The following DLL3 variants were observed in gnomAD, a reference collection of about 807,000 sequenced individuals.
The protein encoded by DLL3 is delta like canonical Notch ligand 3, also known as delta-like protein 3.
DLL3 carries 49 observed loss-of-function variants against 55.0 expected under a neutral mutation model. That is an observed-to-expected ratio of 0.89 (90% CI 0.71 to 1.13). DLL3 has a LOEUF of 1.13. Ranked by LOEUF, DLL3 falls within the 50% of genes most tolerant of loss-of-function variation. The pLI is 0.00. For synonymous variants in DLL3, 421 were observed against 385.2 expected (o/e 1.09, Z -1.09); for missense variants, 962 against 875.5 (o/e 1.10, Z -1.25).
intron 6 of DLL3, among the ~76,000 whole-genome samples, chr19:39,506,668 C>A (rs1246431356): frequency 6.6e-6 from 1 of 151,010 alleles, no homozygotes. Flanking sequence ...GAGGGGTGGG[C>A]TAGGGAAGAG....
At position 39,508,274 on chromosome 19, in the gene DLL3, G is replaced by A. The variant is rs757153999; in HGVS notation, c.*17G>A. On this transcript the variant is annotated 3_prime_UTR_variant, in exon 9 of 9. Transcript: ENST00000356433. ...TAGGCCTGACGCGTCTCCTCCATCCGCACCTGGAGTCAGAGCGTGGATTTT... is the reference window on the plus strand; with the variant it reads ...TAGGCCTGACGCGTCTCCTCCATCCACACCTGGAGTCAGAGCGTGGATTTT... 1.2e-6 allele frequency: 2 copies of A among 1,613,820 alleles called. No homozygotes were observed. Among genetic ancestry groups the A allele is most frequent in the East Asian group, 4.5e-5 (2 of 44,880 alleles).
intron 5 of DLL3, 64 bp from the exon 6 acceptor site, chr19:39,505,165 G>T: frequency 6.4e-7 from 1 of 1,550,520 alleles, no homozygotes; most frequent in South Asian, 1.1e-5. Flanking sequence ...GGTTAGGACT[G>T]AGGAGGGGGA....
intron 6 of DLL3, 51 bp downstream of exon 6, chr19:39,505,502 G>A (rs763505157): frequency 6.2e-6 from 10 of 1,600,904 alleles, no homozygotes; most frequent in African/African-American, 1.3e-5. Flanking sequence ...GTCCTGGATG[G>A]CTCAGACAGT....
intron 6 of DLL3, chr19:39,505,721 A>G (rs1020953038): frequency 2.1e-6 from 1 of 469,812 alleles, no homozygotes; most frequent in Non-Finnish European, 3.9e-6. Flanking sequence ...CCTGCCTGAT[A>G]GAGCTGAGGT....
At chr19:39,503,206 T>C in intron 4 of DLL3, 149 bp downstream of exon 4, 1 of 860,112 alleles carries the variant, frequency 1.2e-6, no homozygotes, top group Non-Finnish European at 1.6e-6. Flanking sequence ...GGCACCCCTC[T>C]TCAGGGAGCT....
chr19:39,501,383 T>G (rs2079609048), intron 3 of DLL3, among the ~76,000 whole-genome samples: 1 of 152,166 alleles, frequency 6.6e-6, no homozygotes, highest in African/African-American at 2.4e-5. Context: ...AGGCGAATAT[T>G]GAGCAGAGGT....
In DLL3 at chr19:39,507,161, T is replaced by C; in HGVS notation, c.1216T>C (p.Cys406Arg). The change falls in exon 7 of 9, where the codon TGT becomes CGT. Residue 406 changes from cysteine (C) to arginine (R), a missense_variant. Transcript: ENST00000356433. The stretch of plus-strand genomic sequence containing the variant: ...CCGCGCCTGCGCTAACGGCGGCACG[T>C]GTGTGGAGGGCGGCGGCGCGCACCG... ...AGRACANGGTCVEGGGAHRCS... is the reference protein window; with the variant it reads ...AGRACANGGTRVEGGGAHRCS... 7.0e-7 allele frequency: 1 copy of C among 1,434,572 alleles called. No individual in the cohort carries two copies. The highest frequency in any genetic ancestry group is 9.1e-7 in the Non-Finnish European group (1 of 1,103,050). 88.9% of individuals were successfully genotyped at this position (1,434,572 alleles called of 1,614,324 possible). A position where few individuals can be genotyped will look rare whatever the true frequency, so the allele number is the denominator to read the frequency against.
In DLL3 at chr19:39,507,827, C is replaced by T. The variant is rs1218802830; in HGVS notation, c.1674-3C>T. On this transcript the variant is annotated splice_polypyrimidine_tract_variant and splice_region_variant and intron_variant, in intron 7 of 8. Transcript: ENST00000356433. ...AGTTTTTCTTCTTTCTCTCCTCCCACAGCTCGTCCGTAGATTGGAATCGCC... is the reference window on the plus strand; with the variant it reads ...AGTTTTTCTTCTTTCTCTCCTCCCATAGCTCGTCCGTAGATTGGAATCGCC... 4 of 1,614,188 alleles carry T rather than the reference C, an allele frequency of 2.5e-6. No homozygotes were observed. Among genetic ancestry groups the T allele is most frequent in the Non-Finnish European group, 3.4e-6 (4 of 1,180,018 alleles).
rs765401126 is a variant in DLL3, at chr19:39,507,121, G to A, written c.1176G>A (p.Leu392=). The A allele has an allele frequency of 1.9e-5, 29 of 1,532,694 alleles. No homozygotes were observed. Among genetic ancestry groups the A allele is most frequent in the Middle Eastern group, 4.4e-4 (2 of 4,540 alleles). The allele number at this position is 1,532,694 out of a possible 1,614,324, so 94.9% of individuals were successfully genotyped here. ...GFAGPRCEHD[L]DDCAGRACAN... is the part of the protein sequence containing the mutation. ...CGGGTCCTCGCTGCGAGCACGACCT[G>A]GACGACTGCGCGGGCCGCGCCTGCG... is the stretch of plus-strand genomic sequence containing the variant. Residue 392 remains leucine, a synonymous_variant, in exon 7 of 9, where the codon CTG becomes CTA. Transcript: ENST00000356433.
At chr19:39,500,789 G>A in intron 3 of DLL3, 117 bp downstream of exon 3, 1 of 895,032 alleles carries the variant, frequency 1.1e-6, no homozygotes, top group Non-Finnish European at 1.8e-6. Flanking sequence ...GTGGTGCTGA[G>A]TGTTGACAGC....
chr19:39,499,812 C>T (rs2079599024), intron 2 of DLL3, among the ~76,000 whole-genome samples: 1 of 151,900 alleles, frequency 6.6e-6, no homozygotes, highest in Non-Finnish European at 1.5e-5. Flanking sequence ...TATCCCCAAA[C>T]CTCTCACACC....
chr19:39,500,601 CT>C lies in DLL3; in HGVS notation c.352-12del. 1 of 1,612,792 alleles carries C rather than the reference CT, an allele frequency of 6.2e-7. No homozygotes were observed. On this transcript the variant is annotated splice_polypyrimidine_tract_variant and intron_variant, in intron 2 of 8. Transcript: ENST00000356433. ...TCTTTCATCTTTCATCTCCCCCTTCCTTCACCCAACCAGGGCACCTTCTCTT... is the reference window on the plus strand; with the variant it reads ...TCTTTCATCTTTCATCTCCCCCTTCCTCACCCAACCAGGGCACCTTCTCTT...
intron 2 of DLL3, among the ~76,000 whole-genome samples, 195 bp from the exon 3 acceptor site, chr19:39,500,420 T>TAC: frequency 1.1e-5 from 1 of 93,676 alleles, no homozygotes; most frequent in Non-Finnish European, 2.2e-5. Context: ...AGTGAGATTC[T>TAC]CCCCCCCCCC....
chr19:39,507,285 A>G lies in DLL3; in HGVS notation c.1340A>G (p.His447Arg). 1 of 1,542,796 alleles carries G rather than the reference A, an allele frequency of 6.5e-7. No individual in the cohort carries two copies. The highest frequency in any genetic ancestry group is 1.2e-5 in the South Asian group (1 of 84,890). The stretch of plus-strand genomic sequence containing the variant: ...GCTCACGGCGGCCGCTGCTACGCCC[A>G]CTTCTCCGGCCTCGTCTGCGCTTGC... ...PCAHGGRCYA[H>R]FSGLVCACAP... The change falls in exon 7 of 9, where the codon CAC (histidine) becomes CGC (arginine). Residue 447 changes from histidine to arginine, a missense_variant. Coordinates refer to ENST00000356433, the MANE Select transcript of DLL3 (RefSeq NM_203486.3).
chr19:39,501,789 G>C (rs1402640752), intron 3 of DLL3, among the ~76,000 whole-genome samples: 1 of 152,160 alleles, frequency 6.6e-6, no homozygotes, highest in Admixed American at 6.5e-5. Context: ...CACAATTTAG[G>C]GGTGTTATGA....
chr19:39,503,126 G>A, intron 4 of DLL3, 69 bp downstream of exon 4: 1 of 1,469,128 alleles, frequency 6.8e-7, no homozygotes, highest in African/African-American at 1.4e-5. Flanking sequence ...GTCACTCGCG[G>A]CCCCCAGTCC....
In DLL3 at chr19:39,500,277, A is replaced by G. The variant is rs558934797; in HGVS notation, c.352-338A>G. 5.9e-5 allele frequency among the ~76,000 whole-genome samples: 9 copies of G among 151,830 alleles called. No homozygotes were observed. The South Asian group carries it at 1.9e-3, about 32-fold the overall frequency. The stretch of plus-strand genomic sequence containing the variant: ...ACCTCGTTTCTAAAAAAAAAAAAAA[A>G]ACATAGCAGGGCATGGTGACATGCG... On this transcript the variant is annotated intron_variant, in intron 2 of 8. Transcript: ENST00000356433.
chr19:39,503,855 A>G (rs2079624590), intron 4 of DLL3, among the ~76,000 whole-genome samples: 2 of 151,680 alleles, frequency 1.3e-5, no homozygotes, highest in Non-Finnish European at 2.9e-5. Context: ...TCCACTTCCT[A>G]GGTGGGCTGG....
At chr19:39,502,400 T>C (rs1265709914) in intron 3 of DLL3, among the ~76,000 whole-genome samples, 1 of 151,600 alleles carries the variant, frequency 6.6e-6, no homozygotes, top group Non-Finnish European at 1.5e-5. Flanking sequence ...GTAGATGGGA[T>C]TACAGGTGCG....
Sources: allele counts gnomAD v4.1 joint callset (sites outside exome capture counted in the v4.1 genomes callset), GRCh38; gene constraint gnomAD v4.1.1; transcripts MANE v1.5; gene names NCBI Gene and HGNC (gene_info 2026-07-23, HGNC 2026-07-21).